The following SRSF4 variants were observed in gnomAD, a reference collection of about 807,000 sequenced individuals.
SRSF4 encodes serine/arginine-rich splicing factor 4.
A neutral mutation model predicts 48.8 loss-of-function variants in SRSF4; 12 were observed. The ratio of observed to expected loss-of-function variants is 0.25; its 90% CI spans 0.16 to 0.40. The LOEUF (loss-of-function observed/expected upper bound fraction) is 0.40, where lower values mean the gene tolerates loss of function less well. Ranked by LOEUF, SRSF4 falls within the 10% of genes least tolerant of loss-of-function variation. The pLI is 1.00. For missense variants in SRSF4, 466 were observed against 667.1 expected, an observed-to-expected ratio of 0.70 and a Z score of 3.32; for synonymous variants, 248 against 232.5, an observed-to-expected ratio of 1.07 and a Z score of -0.61.
intron 4 of SRSF4, 83 bp from the exon 5 acceptor site, chr1:29,150,275 T>TAGTCTTG: frequency 2.9e-6 from 2 of 701,618 alleles, no homozygotes; most frequent in Non-Finnish European, 4.0e-6. Flanking sequence ...ATTATATATA[T>TAGTCTTG]ATATTTTAGA....
At chr1:29,163,447 C>T (rs753712354) in intron 1 of SRSF4, among the ~76,000 whole-genome samples, 8 of 152,282 alleles carry the variant, frequency 5.3e-5, no homozygotes, top group Non-Finnish European at 7.3e-5. Context: ...CAAACATCTT[C>T]GCATACAACA....
At position 29,181,788 on chromosome 1, in the gene SRSF4, G is replaced by GC. The variant is rs762954980; in HGVS notation, c.-37dup. 2.4e-5 allele frequency: 36 copies of GC among 1,526,102 alleles called. No individual in the cohort carries two copies. The East Asian group carries it at 7.0e-4, about 30-fold the overall frequency. The allele number at this position is 1,526,102 out of a possible 1,614,324, so 94.5% of individuals were successfully genotyped here. On this transcript the variant is annotated 5_prime_UTR_variant, in exon 1 of 6. Transcript: ENST00000373795. ...GCAGTGATGGCTGGCCCCGGCCCCA[G>GC]CCCCCCTTAGGCGGCGGCGGGCAAA...
At position 29,148,936 on chromosome 1, in the gene SRSF4, C is replaced by A; in HGVS notation, c.959G>T (p.Gly320Val). The A allele has an allele frequency of 6.2e-7, 1 of 1,611,378 alleles. No homozygotes were observed. Residue 320 changes from glycine (G) to valine (V), a missense_variant, in exon 6 of 6, where the codon GGC (glycine) becomes GTC (valine). Physicochemically the swap from Gly to Val is moderately radical, Grantham distance 109. Coordinates refer to ENST00000373795, the MANE Select transcript of SRSF4 (RefSeq NM_005626.5). ...GCGGAGGCTCTTCTCCTGGCTCCTGCCCCTGCTCACACTCCCTCGCTTCTC... is the reference window on the plus strand; with the variant it reads ...GCGGAGGCTCTTCTCCTGGCTCCTGACCCTGCTCACACTCCCTCGCTTCTC... The part of the protein sequence containing the change: ...EEEKRGSVSR[G>V]RSQEKSLRQS...
chr1:29,180,788 A>G (rs1207864577), intron 1 of SRSF4, among the ~76,000 whole-genome samples: 4 of 152,210 alleles, frequency 2.6e-5, no homozygotes, highest in African/African-American at 9.6e-5. Flanking sequence ...CCTGTAGCTC[A>G]TGCTGGCACT....
intron 4 of SRSF4, 144 bp downstream of exon 4, chr1:29,154,552 T>C: frequency 1.3e-6 from 1 of 771,650 alleles, no homozygotes; most frequent in Non-Finnish European, 2.0e-6. Flanking sequence ...GTTTTACAAA[T>C]AAATGTTCAG....
chr1:29,170,322 T>C (rs1467127364), intron 1 of SRSF4: 1 of 152,228 alleles, frequency 6.6e-6, no homozygotes, highest in African/African-American at 2.4e-5. Context: ...ATAGAATTAC[T>C]TTATCTGTTA....
At position 29,147,993 on chromosome 1, in the gene SRSF4, A is replaced by C; in HGVS notation, c.*417T>G. 2 of 436,310 alleles carry C rather than the reference A, an allele frequency of 4.6e-6. No homozygotes were observed. Among genetic ancestry groups the C allele is most frequent in the South Asian group, 3.2e-5 (2 of 62,228 alleles). 27.0% of individuals were successfully genotyped at this position (436,310 alleles called of 1,614,324 possible). A position where few individuals can be genotyped will look rare whatever the true frequency, so the allele number is the denominator to read the frequency against. ...AAAAATATGAAACCAAAGTGGTAGGAAACTTAAGACTTAGCACTTTCACTA... is the reference window on the plus strand; with the variant it reads ...AAAAATATGAAACCAAAGTGGTAGGCAACTTAAGACTTAGCACTTTCACTA... On this transcript the variant is annotated 3_prime_UTR_variant, in exon 6 of 6. Transcript: ENST00000373795.
Position 29,181,865 on chromosome 1 carries a change from G to C in SRSF4, c.-113C>G, listed in dbSNP as rs1032652404. 1 of 841,764 alleles carries C rather than the reference G, an allele frequency of 1.2e-6. No homozygotes were observed. Among genetic ancestry groups the C allele is most frequent in the Non-Finnish European group, 1.6e-6 (1 of 607,894 alleles). The allele number at this position is 841,764 out of a possible 1,614,324, so 52.1% of individuals were successfully genotyped here. On this transcript the variant is annotated 5_prime_UTR_variant, in exon 1 of 6. Coordinates refer to ENST00000373795, the MANE Select transcript of SRSF4 (RefSeq NM_005626.5). Reference sequence around the variant, plus strand: ...GCGGCAACGGGCGGGCGGCGGGACGGACGCAGCCGAACCCCGGCGACGTAC... The same window carrying C: ...GCGGCAACGGGCGGGCGGCGGGACGCACGCAGCCGAACCCCGGCGACGTAC...
intron 1 of SRSF4, among the ~76,000 whole-genome samples, chr1:29,163,351 C>A (rs759719097): frequency 1.6e-4 from 25 of 152,288 alleles, no homozygotes; most frequent in Non-Finnish European, 2.4e-4. Flanking sequence ...TGAAACATAT[C>A]AAAGTTCAGT....
intron 3 of SRSF4, among the ~76,000 whole-genome samples, chr1:29,157,163 G>GC (rs1004502207): frequency 2.0e-5 from 3 of 152,206 alleles, no homozygotes; most frequent in Non-Finnish European, 4.4e-5. Flanking sequence ...GGATAAGAGA[G>GC]CAAGTCTTGC....
intron 1 of SRSF4, 120 bp from the exon 2 acceptor site, chr1:29,160,637 G>C (rs1672581506): frequency 1.3e-5 from 15 of 1,165,172 alleles, no homozygotes; most frequent in Non-Finnish European, 1.8e-5. Flanking sequence ...GCAAACTAAG[G>C]ATCAACTTTG....
chr1:29,174,862 C>G (rs1306715087), intron 1 of SRSF4, among the ~76,000 whole-genome samples: 2 of 151,232 alleles, frequency 1.3e-5, no homozygotes, highest in Admixed American at 1.3e-4. Context: ...TTAGTAGAGA[C>G]AGGGTTTCAC....
At chr1:29,162,417 C>T (rs964842468) in intron 1 of SRSF4, among the ~76,000 whole-genome samples, 1 of 152,114 alleles carries the variant, frequency 6.6e-6, no homozygotes, top group African/African-American at 2.4e-5. Context: ...ATTAGGAAAA[C>T]TATACTATTA....
Position 29,161,691 on chromosome 1 carries a change from T to C in SRSF4, c.108-1174A>G, listed in dbSNP as rs559916760. Among the ~76,000 whole-genome samples the C allele has an allele frequency of 5.5e-3, 838 of 152,322 alleles. 9 individuals are homozygous for C. Among genetic ancestry groups the C allele is most frequent in the African/African-American group, 0.019 (789 of 41,566 alleles). Reference sequence around the variant, plus strand: ...TCAGCTCACTGCAACCTCCACCTCCTGGGTTCAAGTGATTCTCCTGCCTCA... The same window carrying C: ...TCAGCTCACTGCAACCTCCACCTCCCGGGTTCAAGTGATTCTCCTGCCTCA... On this transcript the variant is annotated intron_variant, in intron 1 of 5. Coordinates refer to ENST00000373795, the MANE Select transcript of SRSF4 (RefSeq NM_005626.5).
In SRSF4 at chr1:29,148,809, C is replaced by G; in HGVS notation, c.1086G>C (p.Glu362Asp). ...GGCTGCGACTGCGACTGCGGCTCTC[C>G]TCTCTGCTTCTCTTCCTGCCCTTCC... ...DKRKGRKRSREESRSRSRSRS... is the reference protein window; with the variant it reads ...DKRKGRKRSRDESRSRSRSRS... The change falls in exon 6 of 6, where the codon GAG (glutamate) becomes GAC (aspartate). Residue 362 changes from glutamate (E) to aspartate (D), a missense_variant. Physicochemically the swap from Glu to Asp is conservative, Grantham distance 45. Transcript: ENST00000373795. 2 of 1,609,520 alleles carry G rather than the reference C, an allele frequency of 1.2e-6. No individual in the cohort carries two copies. Among genetic ancestry groups the G allele is most frequent in the South Asian group, 1.1e-5 (1 of 90,796 alleles).
In SRSF4 at chr1:29,147,790, G is replaced by T. The variant is rs1010360761; in HGVS notation, c.*620C>A. 12 of 174,580 alleles carry T rather than the reference G, an allele frequency of 6.9e-5. No individual in the cohort carries two copies. The highest frequency in any genetic ancestry group is 1.5e-4 in the Non-Finnish European group (12 of 80,508). The allele number at this position is 174,580 out of a possible 1,614,324, so 10.8% of individuals were successfully genotyped here. On this transcript the variant is annotated 3_prime_UTR_variant, in exon 6 of 6. Coordinates refer to ENST00000373795, the MANE Select transcript of SRSF4 (RefSeq NM_005626.5). ...TTATTCAAATTTAATGGAAACAGGG[G>T]TCACTATACTTTGCAAGACGGGGAA...
intron 3 of SRSF4, among the ~76,000 whole-genome samples, chr1:29,156,234 AC>A (rs886522281): frequency 9.2e-5 from 14 of 151,562 alleles, no homozygotes; most frequent in African/African-American, 3.2e-4. Context: ...GGCGCTTGTA[AC>A]CCCAGCTACC....
chr1:29,166,839 C>G (rs1343781707), intron 1 of SRSF4: 6 of 152,244 alleles, frequency 3.9e-5, no homozygotes, highest in Non-Finnish European at 5.9e-5. Context: ...CAAGGGCTCT[C>G]TGATTAGAGC....
chr1:29,164,496 A>G (rs898942598), intron 1 of SRSF4, among the ~76,000 whole-genome samples: 1 of 152,260 alleles, frequency 6.6e-6, no homozygotes, highest in East Asian at 1.9e-4. Flanking sequence ...ACACACATGC[A>G]TGTATACATA....
Sources: allele counts gnomAD v4.1 joint callset (sites outside exome capture counted in the v4.1 genomes callset), GRCh38; gene constraint gnomAD v4.1.1; transcripts MANE v1.5; gene names NCBI Gene and HGNC (gene_info 2026-07-23, HGNC 2026-07-21).